The following IL1RAPL1 variants were observed in gnomAD, a reference collection of about 807,000 sequenced individuals.
IL1RAPL1 encodes interleukin 1 receptor accessory protein like 1.
In IL1RAPL1, 3 loss-of-function variants were observed where a neutral mutation model predicts 48.4. The observed-to-expected ratio is 0.06, with a 90% CI of 0.03 to 0.16. The LOEUF is 0.16. Among genes scored for constraint, IL1RAPL1 ranks in the 10% least tolerant of loss-of-function variants. The pLI is 1.00. For missense variants in IL1RAPL1, 349 were observed against 530.6 expected, an observed-to-expected ratio of 0.66 and a Z score of 3.36; for synonymous variants, 185 against 187.7, an observed-to-expected ratio of 0.99 and a Z score of 0.12.
At chrX:29,227,701 A>C (rs180927763) in intron 2 of IL1RAPL1, among the ~76,000 whole-genome samples, 1 of 112,350 alleles carries the variant, frequency 8.9e-6, no homozygotes, top group Non-Finnish European at 1.9e-5. Flanking sequence ...AAAATAAATT[A>C]TGGTGCAGAA....
chrX:29,873,693 A>G (rs959838277), intron 6 of IL1RAPL1, among the ~76,000 whole-genome samples: 2 of 111,927 alleles, frequency 1.8e-5, no homozygotes, highest in Non-Finnish European at 3.8e-5. Flanking sequence ...TTTTGTTATA[A>G]CAACTTAAAT....
At chrX:29,954,951 G>GA (rs1027501985) in intron 10 of IL1RAPL1, 151 bp from the exon 11 acceptor site, 176 of 539,404 alleles carry the variant, frequency 3.3e-4, no homozygotes, top group Middle Eastern at 9.1e-4. Flanking sequence ...TTTGTACCGG[G>GA]AAAAAAAAAT....
At chrX:29,498,691 C>T (rs758910804) in intron 5 of IL1RAPL1, among the ~76,000 whole-genome samples, 18 of 110,915 alleles carry the variant, frequency 1.6e-4, no homozygotes, top group African/African-American at 5.9e-4. Context: ...TTAAATAACC[C>T]GTTATTTTAT....
intron 3 of IL1RAPL1, among the ~76,000 whole-genome samples, chrX:29,353,475 TA>T (rs1329087812): frequency 9.0e-6 from 1 of 111,656 alleles, no homozygotes; most frequent in Admixed American, 9.6e-5. Flanking sequence ...TCCCTTTTCT[TA>T]AAACTAATTA....
At chrX:29,440,951 T>G (rs1934540960) in intron 5 of IL1RAPL1, among the ~76,000 whole-genome samples, 1 of 112,357 alleles carries the variant, frequency 8.9e-6, no homozygotes, top group Admixed American at 9.4e-5. Flanking sequence ...ATGTGATTAA[T>G]GTATGCAGTA....
At chrX:29,181,903 G>C (rs1930150880) in intron 2 of IL1RAPL1, among the ~76,000 whole-genome samples, 1 of 111,554 alleles carries the variant, frequency 9.0e-6, no homozygotes, top group African/African-American at 3.3e-5. Flanking sequence ...TTGAAATATT[G>C]TCATTTATAG....
rs1381004055 is a variant in IL1RAPL1 at position 29,941,750 on chromosome X, T to C, written c.1157T>C (p.Met386Thr). ...TACAAGTGTTACAAGATAGAAATCA[T>C]GCTCTTCTACAGGAATCATTTTGGA... Reference protein sequence around the residue: ...TIYKCYKIEIMLFYRNHFGAE... With the variant: ...TIYKCYKIEITLFYRNHFGAE... The change falls in exon 9 of 11, where the codon ATG becomes ACG. Residue 386 changes from methionine to threonine, a missense_variant. Met to Thr is a moderately conservative substitution (Grantham distance 81). Around this residue, in one of 3 missense-constraint regions of IL1RAPL1, gnomAD observed 238 missense variants for 337.8 expected, o/e 0.70. Coordinates refer to ENST00000378993, the MANE Select transcript of IL1RAPL1 (RefSeq NM_014271.4). The C allele has an allele frequency of 8.3e-7, 1 of 1,207,575 alleles. No individual in the cohort carries two copies. Among genetic ancestry groups the C allele is most frequent in the Non-Finnish European group, 1.1e-6 (1 of 892,929 alleles).
intron 5 of IL1RAPL1, among the ~76,000 whole-genome samples, chrX:29,619,487 CAAAT>C (rs910468163): frequency 8.6e-4 from 96 of 111,624 alleles, no homozygotes; most frequent in Non-Finnish European, 1.7e-3. Flanking sequence ...AGCAAACAAA[CAAAT>C]AAACTTGGAA....
intron 1 of IL1RAPL1, among the ~76,000 whole-genome samples, chrX:28,623,441 C>T (rs1406445225): frequency 9.0e-6 from 1 of 111,482 alleles, no homozygotes; most frequent in Non-Finnish European, 1.9e-5. Flanking sequence ...CCATTGTCAG[C>T]AAATCAATTT....
chrX:29,318,173 T>C (rs1487482610), intron 3 of IL1RAPL1, among the ~76,000 whole-genome samples: 2 of 112,276 alleles, frequency 1.8e-5, no homozygotes, highest in African/African-American at 6.5e-5. Context: ...CAAGGAATTT[T>C]GGCTTTCTCT....
intron 5 of IL1RAPL1, among the ~76,000 whole-genome samples, chrX:29,417,787 G>C (rs1004412153): frequency 9.1e-6 from 1 of 110,369 alleles, no homozygotes; most frequent in Non-Finnish European, 1.9e-5. Context: ...CCTTTAATGA[G>C]TACTTATTGT....
chrX:29,094,849 A>G (rs1928178926), intron 2 of IL1RAPL1, among the ~76,000 whole-genome samples: 1 of 105,395 alleles, frequency 9.5e-6, no homozygotes, highest in South Asian at 4.1e-4. Context: ...AAAAAAAAAA[A>G]AAAAAGAAAA....
chrX:29,884,396 A>G (rs1932096347), intron 6 of IL1RAPL1, among the ~76,000 whole-genome samples: 1 of 109,342 alleles, frequency 9.1e-6, no homozygotes, highest in Admixed American at 9.7e-5. Context: ...TCTCCATGAT[A>G]CTCATCTTCC....
intron 6 of IL1RAPL1, 69 bp downstream of exon 6, chrX:29,668,573 T>G (rs1926061616): frequency 2.7e-6 from 2 of 737,038 alleles, no homozygotes; most frequent in Non-Finnish European, 4.2e-6. Flanking sequence ...AAGCCTAGAT[T>G]GTAACCCGAT....
intron 1 of IL1RAPL1, among the ~76,000 whole-genome samples, chrX:28,781,160 G>A (rs940870770): frequency 1.8e-5 from 2 of 110,535 alleles, no homozygotes; most frequent in Non-Finnish European, 3.8e-5. Context: ...AGGAATCTGG[G>A]CACAGGTTAG....
chrX:28,918,330 C>T (rs1395345347), intron 2 of IL1RAPL1, among the ~76,000 whole-genome samples: 1 of 112,106 alleles, frequency 8.9e-6, no homozygotes, highest in African/African-American at 3.2e-5. Flanking sequence ...AAAGAACAAA[C>T]TTTTTCTTAG....
intron 6 of IL1RAPL1, among the ~76,000 whole-genome samples, chrX:29,673,562 A>G (rs1189196854): frequency 8.9e-6 from 1 of 112,114 alleles, no homozygotes; most frequent in East Asian, 2.8e-4. Context: ...GAGAAAAACA[A>G]TAATATCCCA....
At chrX:29,806,070 T>TA (rs1930248477) in intron 6 of IL1RAPL1, among the ~76,000 whole-genome samples, 1 of 109,283 alleles carries the variant, frequency 9.2e-6, no homozygotes, top group Admixed American at 9.9e-5. Context: ...GGATCAGAAA[T>TA]ACAGCTGATT....
chrX:29,887,506 G>A (rs1437288276), intron 6 of IL1RAPL1, among the ~76,000 whole-genome samples: 3 of 111,568 alleles, frequency 2.7e-5, no homozygotes, highest in Non-Finnish European at 5.7e-5. Flanking sequence ...TGTTGCATTG[G>A]TGGTGGTGAG....
Sources: allele counts gnomAD v4.1 joint callset (sites outside exome capture counted in the v4.1 genomes callset), GRCh38; gene constraint gnomAD v4.1.1; regional missense constraint gnomAD v4.1.1; transcripts MANE v1.5; gene names NCBI Gene and HGNC (gene_info 2026-07-23, HGNC 2026-07-21).